Variants in CDH20 observed in about 807,000 individuals in gnomAD.
CDH20 encodes cadherin 20.
In CDH20, 29 loss-of-function variants were observed where a neutral mutation model predicts 74.2. That is an observed-to-expected ratio of 0.39 (90% CI 0.29 to 0.53). CDH20 has a LOEUF of 0.53. CDH20 is among the 20% of genes least tolerant of loss of function. The pLI, the probability that CDH20 is intolerant of heterozygous loss-of-function variation, is 0.69. For synonymous variants in CDH20, 469 were observed against 405.4 expected (o/e 1.16, Z -1.88); for missense variants, 988 against 1,048.3 (o/e 0.94, Z 0.79).
intron 6 of CDH20, among the ~76,000 whole-genome samples, chr18:61,520,924 G>A (rs1000087201): frequency 2.0e-5 from 3 of 151,184 alleles, no homozygotes; most frequent in Non-Finnish European, 4.4e-5. Context: ...CGCTAAAGCA[G>A]TGTTTACAGG....
intron 1 of CDH20, among the ~76,000 whole-genome samples, chr18:61,387,348 C>A (rs1035817674): frequency 1.3e-5 from 2 of 152,156 alleles, no homozygotes; most frequent in African/African-American, 4.8e-5. Flanking sequence ...TTACCAGGGT[C>A]TGAACTCAAA....
At chr18:61,495,289 C>T (rs761733942) in intron 2 of CDH20, among the ~76,000 whole-genome samples, 2 of 152,184 alleles carry the variant, frequency 1.3e-5, no homozygotes, top group East Asian at 1.9e-4. Flanking sequence ...CTGTTCTTTG[C>T]CATTTTTGAA....
intron 1 of CDH20, among the ~76,000 whole-genome samples, chr18:61,384,737 A>G (rs1270724998): frequency 1.3e-5 from 2 of 152,216 alleles, no homozygotes; most frequent in Admixed American, 1.3e-4. Context: ...TAAAAGCCCA[A>G]CATTAATATT....
chr18:61,338,449 A>G (rs942690567), intron 1 of CDH20, among the ~76,000 whole-genome samples: 1 of 152,180 alleles, frequency 6.6e-6, no homozygotes, highest in African/African-American at 2.4e-5. Context: ...AGAAGATTCA[A>G]CTCAAAACAT....
intron 3 of CDH20, among the ~76,000 whole-genome samples, chr18:61,499,835 C>T (rs529342439): frequency 2.0e-5 from 3 of 152,156 alleles, no homozygotes; most frequent in Non-Finnish European, 2.9e-5. Flanking sequence ...TGGCTCACGC[C>T]TGTAATCCTA....
intron 1 of CDH20, among the ~76,000 whole-genome samples, chr18:61,475,649 A>G (rs1408669189): frequency 6.6e-6 from 1 of 152,204 alleles, no homozygotes; most frequent in Non-Finnish European, 1.5e-5. Context: ...AAAAGTATGA[A>G]TAGATATCAT....
At chr18:61,366,459 A>G (rs1168069171) in intron 1 of CDH20, among the ~76,000 whole-genome samples, 3 of 152,172 alleles carry the variant, frequency 2.0e-5, no homozygotes, top group Non-Finnish European at 2.9e-5. Context: ...TGAATATGGT[A>G]TTATATCTCC....
intron 1 of CDH20, among the ~76,000 whole-genome samples, chr18:61,457,681 A>G (rs1039832383): frequency 4.6e-5 from 7 of 152,170 alleles, no homozygotes; most frequent in Admixed American, 1.3e-4. Flanking sequence ...ATAAAATAAT[A>G]TGTTTGGAGG....
intron 1 of CDH20, among the ~76,000 whole-genome samples, chr18:61,458,649 C>T (rs1382383119): frequency 1.3e-5 from 2 of 152,296 alleles, no homozygotes; most frequent in South Asian, 2.1e-4. Context: ...TCTGAACAGA[C>T]GCTAAAGGGC....
intron 1 of CDH20, among the ~76,000 whole-genome samples, chr18:61,433,621 T>G (rs1412876162): frequency 1.3e-5 from 2 of 152,166 alleles, no homozygotes; most frequent in African/African-American, 4.8e-5. Flanking sequence ...ATGTACATTC[T>G]GGGTCACGGT....
At chr18:61,497,282 C>T (rs1401958381) in intron 2 of CDH20, among the ~76,000 whole-genome samples, 1 of 152,122 alleles carries the variant, frequency 6.6e-6, no homozygotes, top group Admixed American at 6.5e-5. Context: ...GCAGCAAAAC[C>T]ATTGCCTGCA....
chr18:61,477,978 A>T (rs1910451656), intron 1 of CDH20, among the ~76,000 whole-genome samples: 1 of 152,152 alleles, frequency 6.6e-6, no homozygotes, highest in African/African-American at 2.4e-5. Context: ...AGATGAGCAG[A>T]TCACTTGAGG....
At chr18:61,458,783 G>A (rs1909668529) in intron 1 of CDH20, among the ~76,000 whole-genome samples, 1 of 152,210 alleles carries the variant, frequency 6.6e-6, no homozygotes, top group Non-Finnish European at 1.5e-5. Flanking sequence ...TTGTTGTGTG[G>A]GAAGGTGATG....
chr18:61,538,821 C>T (rs1330828418), intron 8 of CDH20, among the ~76,000 whole-genome samples: 2 of 151,394 alleles, frequency 1.3e-5, no homozygotes, highest in Admixed American at 6.6e-5. Flanking sequence ...AGTTTCACTC[C>T]GTGTTATCCA....
chr18:61,405,858 C>G (rs897578202), intron 1 of CDH20, among the ~76,000 whole-genome samples: 1 of 152,184 alleles, frequency 6.6e-6, no homozygotes, highest in African/African-American at 2.4e-5. Flanking sequence ...CTGCGTTAAG[C>G]CTTCCTTCAA....
At chr18:61,505,829 T>G (rs1317654004) in intron 5 of CDH20, among the ~76,000 whole-genome samples, 1 of 152,228 alleles carries the variant, frequency 6.6e-6, no homozygotes, top group Non-Finnish European at 1.5e-5. Context: ...GCTTCCTCTT[T>G]TTTGACCTTT....
intron 10 of CDH20, 80 bp from the exon 11 acceptor site, chr18:61,549,892 ACCCTGC>A: frequency 1.4e-6 from 2 of 1,404,118 alleles, no homozygotes; most frequent in Non-Finnish European, 2.0e-6. Context: ...TCCTTCCTAC[ACCCTGC>A]CCCTGCCCCC....
chr18:61,407,585 G>A (rs1217016439), intron 1 of CDH20, among the ~76,000 whole-genome samples: 3 of 152,184 alleles, frequency 2.0e-5, no homozygotes, highest in Non-Finnish European at 2.9e-5. Context: ...ATGGAAACCC[G>A]CTGAAGGTTT....
chr18:61,528,137 G>A lies in CDH20; in HGVS notation c.1188G>A (p.Val396=). 6.2e-7 allele frequency: 1 copy of A among 1,614,118 alleles called. No homozygotes were observed. The highest frequency in any genetic ancestry group is 1.1e-5 in the South Asian group (1 of 91,070). ...TGTTTGAACCTGGCTTTTACTTTGTGGAGGTGCCTGAGGATGTGGCGATTG... is the reference window on the plus strand; with the variant it reads ...TGTTTGAACCTGGCTTTTACTTTGTAGAGGTGCCTGAGGATGTGGCGATTG... ...PPVFEPGFYF[V]EVPEDVAIGT... The change falls in exon 7 of 12, where the codon GTG becomes GTA. Residue 396 remains valine, a synonymous_variant. Coordinates refer to ENST00000262717, the MANE Select transcript of CDH20 (RefSeq NM_031891.4).
Sources: allele counts gnomAD v4.1 joint callset (sites outside exome capture counted in the v4.1 genomes callset), GRCh38; gene constraint gnomAD v4.1.1; transcripts MANE v1.5; gene names NCBI Gene and HGNC (gene_info 2026-07-23, HGNC 2026-07-21).